Variants in NTRK3 observed in about 807,000 individuals in gnomAD.
The protein encoded by NTRK3 is NT-3 growth factor receptor.
In NTRK3, 24 loss-of-function variants were observed where a neutral mutation model predicts 91.7. The ratio of observed to expected loss-of-function variants is 0.26; its 90% CI spans 0.19 to 0.37. The LOEUF (loss-of-function observed/expected upper bound fraction) is 0.37, where lower values mean the gene tolerates loss of function less well. Among genes scored for constraint, NTRK3 ranks in the 10% least tolerant of loss-of-function variants. NTRK3 has a pLI of 1.00. For synonymous variants in NTRK3, 483 were observed against 404.0 expected (o/e 1.20, Z -2.34); for missense variants, 880 against 1,068.9 (o/e 0.82, Z 2.46).
rs554933650 is a variant in NTRK3 at position 87,965,984 on chromosome 15, T to A, written c.1586-25231A>T. Among the ~76,000 whole-genome samples, 33 of 151,940 alleles carry A rather than the reference T, an allele frequency of 2.2e-4. 1 individual carries two copies. The East Asian group carries it at 6.2e-3, about 29-fold the overall frequency. The stretch of plus-strand genomic sequence containing the variant: ...TCCCAGCTACTCGGGAGGCTGAGGC[T>A]TGAGAATCACTTAAGCCCAGGAGGT... On this transcript the variant is annotated intron_variant, in intron 14 of 18. Transcript: ENST00000394480.
rs150133173 is a variant in NTRK3, at chr15:87,916,920, G to A, written c.2133+12271C>T. Among the ~76,000 whole-genome samples, 23 of 152,114 alleles carry A rather than the reference G, an allele frequency of 1.5e-4. 1 individual carries two copies. The East Asian group carries it at 4.1e-3, about 27-fold the overall frequency. ...TGGGACTACAGGTATGCACCACCAT[G>A]CCCAGCTAATTTTTCATATTTTCAG... On this transcript the variant is annotated intron_variant, in intron 17 of 18. Coordinates refer to ENST00000394480, the Ensembl canonical transcript of NTRK3.
chr15:88,126,311 C>A (rs2151106544), exon 13 of NTRK3: 1 of 1,614,056 alleles, frequency 6.2e-7, no homozygotes, highest in East Asian at 2.2e-5. Context: ...ATTTGTTGAT[C>A]ATGACGAAGA....
At chr15:87,997,028 G>T (rs780685166) in intron 14 of NTRK3, among the ~76,000 whole-genome samples, 13 of 152,210 alleles carry the variant, frequency 8.5e-5, no homozygotes, top group Non-Finnish European at 1.3e-4. Flanking sequence ...AGATGTAATT[G>T]CTGTGACTAA....
chr15:88,077,025 C>T (rs991082880), intron 13 of NTRK3, among the ~76,000 whole-genome samples: 2 of 152,094 alleles, frequency 1.3e-5, no homozygotes, highest in African/African-American at 4.8e-5. Flanking sequence ...ACCTAGGAGG[C>T]GGAGGTTGCA....
At chr15:87,901,996 G>A (rs1223873604) in intron 17 of NTRK3, among the ~76,000 whole-genome samples, 1 of 152,120 alleles carries the variant, frequency 6.6e-6, no homozygotes, top group East Asian at 1.9e-4. Flanking sequence ...AGGTTAGGGT[G>A]GCACATTTTG....
chr15:88,127,242 A>C lies in NTRK3; in HGVS notation c.1229-16T>G. The C allele has an allele frequency of 6.2e-7, 1 of 1,612,308 alleles. No individual in the cohort carries two copies. The highest frequency in any genetic ancestry group is 8.5e-7 in the Non-Finnish European group (1 of 1,178,580). ...ACTTCGTCAACTGAAAACCAAACAC[A>C]AAAAGGAGGAGGACAGTTAGCTTCC... On this transcript the variant is annotated splice_polypyrimidine_tract_variant and intron_variant, in intron 11 of 18. Transcript: ENST00000394480.
At chr15:88,022,563 C>T (rs978515528) in intron 14 of NTRK3, among the ~76,000 whole-genome samples, 3 of 152,168 alleles carry the variant, frequency 2.0e-5, no homozygotes, top group Admixed American at 1.3e-4. Flanking sequence ...GAAGACAAGA[C>T]TGAAGCCAAA....
intron 3 of NTRK3, among the ~76,000 whole-genome samples, chr15:88,229,997 A>G (rs2051034705): frequency 6.6e-6 from 1 of 152,234 alleles, no homozygotes; most frequent in Non-Finnish European, 1.5e-5. Flanking sequence ...GAGTCCAGAG[A>G]GACCATAGAC....
chr15:87,959,686 G>A (rs1009439688), intron 14 of NTRK3, among the ~76,000 whole-genome samples: 3 of 152,152 alleles, frequency 2.0e-5, no homozygotes, highest in South Asian at 2.1e-4. Flanking sequence ...GAGGCCCTAC[G>A]CTCAAGCTAG....
exon 19 of NTRK3, chr15:87,874,513 C>G (rs980014724): frequency 4.3e-6 from 1 of 232,894 alleles, no homozygotes. Flanking sequence ...CAGTTTTCCA[C>G]CCATCTCCAA....
intron 3 of NTRK3, among the ~76,000 whole-genome samples, chr15:88,206,392 CT>C (rs2048771420): frequency 6.8e-6 from 1 of 147,124 alleles, no homozygotes; most frequent in Admixed American, 6.8e-5. Flanking sequence ...GGCGCGGTGG[CT>C]CACGCCTGTA....
intron 14 of NTRK3, among the ~76,000 whole-genome samples, chr15:88,030,670 C>T (rs1418404223): frequency 6.6e-6 from 1 of 152,098 alleles, no homozygotes; most frequent in Non-Finnish European, 1.5e-5. Flanking sequence ...AAGGCACTTT[C>T]CTGGTCATTT....
At chr15:88,224,019 C>A (rs965889670) in intron 3 of NTRK3, among the ~76,000 whole-genome samples, 1 of 152,156 alleles carries the variant, frequency 6.6e-6, no homozygotes, top group African/African-American at 2.4e-5. Flanking sequence ...CAAGGTAGCA[C>A]CCACATAGCT....
At chr15:88,092,190 CA>C (rs1374283908) in intron 13 of NTRK3, among the ~76,000 whole-genome samples, 3 of 152,190 alleles carry the variant, frequency 2.0e-5, no homozygotes, top group African/African-American at 7.2e-5. Context: ...ACTCCCCCAG[CA>C]ATCAGAGCTG....
At chr15:88,196,199 G>A (rs757026002) in intron 3 of NTRK3, among the ~76,000 whole-genome samples, 2 of 152,208 alleles carry the variant, frequency 1.3e-5, no homozygotes, top group Non-Finnish European at 1.5e-5. Flanking sequence ...TAGAGGGTAA[G>A]TTCAGGTCAC....
At chr15:88,078,351 G>A (rs1012789428) in intron 13 of NTRK3, among the ~76,000 whole-genome samples, 1 of 152,164 alleles carries the variant, frequency 6.6e-6, no homozygotes, top group African/African-American at 2.4e-5. Context: ...ATAGTAAAGT[G>A]GGGTTAAAGA....
intron 3 of NTRK3, among the ~76,000 whole-genome samples, chr15:88,206,440 C>T: frequency 6.7e-6 from 1 of 149,346 alleles, no homozygotes; most frequent in East Asian, 2.0e-4. Context: ...GGGCGGATCA[C>T]GAGGTCAGGA....
At position 88,237,740 on chromosome 15, in the gene NTRK3, C is replaced by T. The variant is rs2051927348; in HGVS notation, c.248+18166G>A. On this transcript the variant is annotated intron_variant, in intron 3 of 18. Transcript: ENST00000394480. This position sits in a 1 kb window ranked among gnomAD's most constrained non-coding sequence, Gnocchi z 4.0. ...TGACCGACTAAGCAGACACTTTGGG[C>T]ATTCGCAACAAGACACACCAAAATA... Among the ~76,000 whole-genome samples, 1 of 151,880 alleles carries T rather than the reference C, an allele frequency of 6.6e-6. No homozygotes were observed. The highest frequency in any genetic ancestry group is 6.6e-5 in the Admixed American group (1 of 15,254).
intron 13 of NTRK3, among the ~76,000 whole-genome samples, chr15:88,063,492 C>T (rs772756830): frequency 3.9e-5 from 6 of 152,202 alleles, no homozygotes; most frequent in Non-Finnish European, 7.3e-5. Context: ...CCGTGTTCCC[C>T]ACTGGGTGTC....
Sources: gnomAD v4.1 joint callset for allele counts (sites outside exome capture counted in the v4.1 genomes callset) on GRCh38, gnomAD v4.1.1 for gene constraint, Gnocchi (gnomAD v3.1) non-coding constraint, MANE v1.5 for transcripts, NCBI Gene and HGNC (gene_info 2026-07-23, HGNC 2026-07-21) for gene names.